Variants in GLCCI1 observed in about 807,000 individuals in gnomAD.
GLCCI1 encodes the protein glucocorticoid induced 1, also known as glucocorticoid-induced transcript 1 protein.
A neutral mutation model predicts 52.2 loss-of-function variants in GLCCI1; 24 were observed. The observed-to-expected ratio is 0.46, with a 90% CI of 0.33 to 0.65. GLCCI1 has a LOEUF of 0.65. Among genes scored for constraint, GLCCI1 ranks in the 30% least tolerant of loss-of-function variants. GLCCI1 has a pLI of 0.02. For missense variants in GLCCI1, 704 were observed against 701.5 expected (o/e 1.00, Z -0.04); for synonymous variants, 310 against 276.5 (o/e 1.12, Z -1.20).
At chr7:8,071,834 T>C (rs577241830) in intron 6 of GLCCI1, among the ~76,000 whole-genome samples, 13 of 152,342 alleles carry the variant, frequency 8.5e-5, no homozygotes, top group African/African-American at 2.4e-4. Flanking sequence ...ACTGAACTTA[T>C]GTTTATAACA....
intron 1 of GLCCI1, among the ~76,000 whole-genome samples, chr7:7,995,668 G>A (rs976646003): frequency 2.0e-5 from 3 of 152,050 alleles, no homozygotes; most frequent in Non-Finnish European, 4.4e-5. Flanking sequence ...ACCAAACACC[G>A]CATGTTCTCA....
At chr7:8,055,144 T>C (rs1233161169) in intron 3 of GLCCI1, among the ~76,000 whole-genome samples, 6 of 152,188 alleles carry the variant, frequency 3.9e-5, no homozygotes, top group Non-Finnish European at 7.4e-5. Context: ...TCAAAAAGGA[T>C]ATTTCTGGTG....
At chr7:8,078,035 C>T (rs948945676) in intron 6 of GLCCI1, among the ~76,000 whole-genome samples, 2 of 151,652 alleles carry the variant, frequency 1.3e-5, no homozygotes, top group Non-Finnish European at 2.9e-5. Context: ...GAAATCGAGA[C>T]CATCCTGGCT....
rs968038292 is a variant in GLCCI1 at position 7,970,933 on chromosome 7, A to T, written c.457+1126A>T. Among the ~76,000 whole-genome samples, 20 of 149,306 alleles carry T rather than the reference A, an allele frequency of 1.3e-4. 1 individual carries two copies. In the South Asian group the frequency reaches 3.0e-3, roughly 22 times the overall value. ...GTACATTGTTTATGTGGTATGTGGA[A>T]TTTTTTTTTTTAATGGAGCTTTCTT... On this transcript the variant is annotated intron_variant, in intron 1 of 7. Transcript: ENST00000223145.
chr7:7,982,077 G>T, intron 1 of GLCCI1: 1 of 470,346 alleles, frequency 2.1e-6, no homozygotes, highest in Non-Finnish European at 4.2e-6. Flanking sequence ...ACTCAGAACT[G>T]AAGTCGTAGC....
At chr7:8,058,466 C>G (rs1278622860) in intron 4 of GLCCI1, among the ~76,000 whole-genome samples, 1 of 152,044 alleles carries the variant, frequency 6.6e-6, no homozygotes, top group Non-Finnish European at 1.5e-5. Context: ...AAGACTTTTC[C>G]TACAAGATAT....
intron 3 of GLCCI1, among the ~76,000 whole-genome samples, chr7:8,034,885 G>C (rs1332817033): frequency 6.6e-6 from 1 of 152,162 alleles, no homozygotes; most frequent in Non-Finnish European, 1.5e-5. Context: ...ACACTGGTGT[G>C]GGTGGTGATT....
At chr7:8,067,301 G>A (rs1000816102) in intron 5 of GLCCI1, among the ~76,000 whole-genome samples, 4 of 152,034 alleles carry the variant, frequency 2.6e-5, no homozygotes, top group Admixed American at 6.6e-5. Context: ...TCTTAAAGAC[G>A]CCTACTGTTT....
chr7:8,080,568 A>G (rs1782973787), intron 6 of GLCCI1, among the ~76,000 whole-genome samples: 1 of 151,384 alleles, frequency 6.6e-6, no homozygotes, highest in African/African-American at 2.5e-5. Context: ...AACCTGGACA[A>G]CCTGGTACTC....
At chr7:8,001,727 G>A (rs1583961031) in intron 1 of GLCCI1, among the ~76,000 whole-genome samples, 2 of 152,294 alleles carry the variant, frequency 1.3e-5, no homozygotes, top group Admixed American at 1.3e-4. Context: ...TGATAGACTG[G>A]ATTAAGAAAA....
At chr7:7,998,582 T>G (rs993764319) in intron 1 of GLCCI1, among the ~76,000 whole-genome samples, 1 of 152,178 alleles carries the variant, frequency 6.6e-6, no homozygotes, top group African/African-American at 2.4e-5. Flanking sequence ...GTTTGCGTGG[T>G]TGGGTCTTTT....
At position 8,054,913 on chromosome 7, in the gene GLCCI1, T is replaced by G. The variant is rs1036396330; in HGVS notation, c.697-520T>G. 2.6e-5 allele frequency among the ~76,000 whole-genome samples: 4 copies of G among 151,812 alleles called. No individual in the cohort carries two copies. The South Asian group carries it at 6.2e-4, about 24-fold the overall frequency. On this transcript the variant is annotated intron_variant, in intron 3 of 7. Transcript: ENST00000223145. ...GGTTTTATGATTACAGAGTAATATA[T>G]ATAGTAATATATTAAATATTAATAA... is the stretch of plus-strand genomic sequence containing the variant.
intron 2 of GLCCI1, 172 bp downstream of exon 2, chr7:8,004,231 C>T (rs1262711154): frequency 8.4e-6 from 5 of 593,462 alleles, no homozygotes; most frequent in Admixed American, 3.2e-5. Context: ...TTTTTGTCAT[C>T]TGGCTTTTAG....
chr7:8,054,996 T>C (rs1170811219), intron 3 of GLCCI1, among the ~76,000 whole-genome samples: 3 of 152,116 alleles, frequency 2.0e-5, no homozygotes, highest in Admixed American at 6.5e-5. Flanking sequence ...TTAAAGTGTT[T>C]AGTAATTGGT....
intron 3 of GLCCI1, among the ~76,000 whole-genome samples, chr7:8,023,970 GT>G (rs1472238258): frequency 6.6e-6 from 1 of 152,032 alleles, no homozygotes; most frequent in Non-Finnish European, 1.5e-5. Flanking sequence ...ATTGTTTCAA[GT>G]TTTTAAATCT....
At chr7:7,991,619 A>C (rs937473578) in intron 1 of GLCCI1, among the ~76,000 whole-genome samples, 1 of 152,006 alleles carries the variant, frequency 6.6e-6, no homozygotes, top group Non-Finnish European at 1.5e-5. Flanking sequence ...GTAGTGTGGA[A>C]GGAGCCTGGT....
In GLCCI1 at chr7:7,969,394, C is replaced by T. The variant is rs1490519816; in HGVS notation, c.44C>T (p.Thr15Ile). The T allele has an allele frequency of 4.2e-6, 6 of 1,438,538 alleles. No individual in the cohort carries two copies. The African/African-American group carries it at 8.8e-5, about 21-fold the overall frequency. 89.1% of individuals were successfully genotyped at this position (1,438,538 alleles called of 1,614,324 possible). The change falls in exon 1 of 8, where the codon ACC becomes ATC. Residue 15 changes from threonine (T) to isoleucine (I), a missense_variant. Physicochemically the swap from Thr to Ile is moderately conservative, Grantham distance 89. This residue lies in a region of GLCCI1 where 547 missense variants were observed against 524.8 expected (regional missense o/e 1.04). Transcript: ENST00000223145. The surrounding 1 kb of genome is among the most constrained non-coding windows in gnomAD (Gnocchi z 4.9). ...SSSSSSSSSQTPHPPSQRMRR... is the reference protein window; with the variant it reads ...SSSSSSSSSQIPHPPSQRMRR... Reference sequence around the variant, plus strand: ...TCCTCCTCCTCCAGTTCCTCTCAGACCCCTCATCCCCCGTCGCAGAGGATG... The same window carrying T: ...TCCTCCTCCTCCAGTTCCTCTCAGATCCCTCATCCCCCGTCGCAGAGGATG...
intron 2 of GLCCI1, among the ~76,000 whole-genome samples, chr7:8,008,702 A>G (rs1340168909): frequency 6.6e-6 from 1 of 152,236 alleles, no homozygotes; most frequent in African/African-American, 2.4e-5. Context: ...AACTTTAAAA[A>G]TACAGAATAT....
chr7:8,052,071 C>G (rs1329010771), intron 3 of GLCCI1, among the ~76,000 whole-genome samples: 1 of 152,154 alleles, frequency 6.6e-6, no homozygotes, highest in East Asian at 1.9e-4. Flanking sequence ...TAGATAAAAG[C>G]ACCCCCTCTT....
Sources: allele counts gnomAD v4.1 joint callset (sites outside exome capture counted in the v4.1 genomes callset), GRCh38; gene constraint gnomAD v4.1.1; regional missense constraint gnomAD v4.1.1; non-coding constraint Gnocchi (gnomAD v3.1); transcripts MANE v1.5; gene names NCBI Gene and HGNC (gene_info 2026-07-23, HGNC 2026-07-21).